Variants in WDR1 observed in about 807,000 individuals in gnomAD.
The protein encoded by WDR1 is WD repeat domain 1.
Under a neutral mutation model 71.9 loss-of-function variants are expected in WDR1, and 21 were observed. That is an observed-to-expected ratio of 0.29 (90% confidence interval 0.21 to 0.42). The LOEUF is 0.42. Ranked by LOEUF, WDR1 falls within the 10% of genes least tolerant of loss-of-function variation. The probability of loss-of-function intolerance (pLI) is 1.00; values close to 1 mark genes in which losing one functional copy is unlikely to be tolerated. For synonymous variants in WDR1, 424 were observed against 347.4 expected (o/e 1.22, Z -2.45); for missense variants, 696 against 824.5 (o/e 0.84, Z 1.91).
rs367695543 is a variant in WDR1, at chr4:10,088,367, T to G, written c.643A>C (p.Ile215Leu). The G allele has an allele frequency of 2.6e-6, 4 of 1,556,638 alleles. No homozygotes were observed. Among genetic ancestry groups the G allele is most frequent in the African/African-American group, 2.7e-5 (2 of 73,232 alleles). Residue 215 changes from isoleucine (I) to leucine (L), a missense_variant, in exon 7 of 15, where the codon ATC (isoleucine) becomes CTC (leucine). Physicochemically the swap from Ile to Leu is conservative, Grantham distance 5. Transcript: ENST00000499869. The part of the protein sequence containing the change: ...ATASADGQIY[I>L]YDGKTGEKVC... ...TTCTCCCCAGTCTTCCCGTCATAGA[T>G]GTATATCTTCCAAGAAATAAAAACA...
In WDR1 at chr4:10,116,756, G is replaced by C. The variant is rs1311218850; in HGVS notation, c.-90C>G. 37 of 1,238,368 alleles carry C rather than the reference G, an allele frequency of 3.0e-5. 1 individual carries two copies. The East Asian group carries it at 1.2e-3, about 41-fold the overall frequency. 76.7% of individuals were successfully genotyped at this position (1,238,368 alleles called of 1,614,324 possible). On this transcript the variant is annotated 5_prime_UTR_variant, in exon 1 of 15. Transcript: ENST00000499869. ...TACACCTCGCCGAGGCCGAGCCCGG[G>C]GACTGGAGCCGGAAGGCGGCACCGG...
At chr4:10,100,001 T>C (rs547787219) in intron 3 of WDR1, among the ~76,000 whole-genome samples, 109 of 152,218 alleles carry the variant, frequency 7.2e-4, no homozygotes, top group Non-Finnish European at 1.4e-3. Context: ...CGACACACCC[T>C]CTCCAAATGA....
chr4:10,100,815 C>G (rs367855260), intron 3 of WDR1, among the ~76,000 whole-genome samples: 8 of 152,190 alleles, frequency 5.3e-5, no homozygotes, highest in African/African-American at 1.9e-4. Context: ...CTGGCAGCAT[C>G]GGAGGGGAGC....
At position 10,077,467 on chromosome 4, in the gene WDR1, CAA is replaced by C. The variant is rs777338092; in HGVS notation, c.1570-21_1570-20del. On this transcript the variant is annotated intron_variant, in intron 13 of 14. Coordinates refer to ENST00000499869, the MANE Select transcript of WDR1 (RefSeq NM_017491.5). The stretch of plus-strand genomic sequence containing the variant: ...TGTTCTCCTAGTTGCAGGTTGAAAA[CAA>C]GAGAGGTGGCAGGTCAGGTTCAGGC... 1.3e-5 allele frequency: 21 copies of C among 1,613,722 alleles called. No individual in the cohort carries two copies. The highest frequency in any genetic ancestry group is 2.2e-5 in the East Asian group (1 of 44,902).
intron 14 of WDR1, chr4:10,076,994 A>T: frequency 2.8e-6 from 1 of 354,620 alleles, no homozygotes; most frequent in Non-Finnish European, 5.2e-6. Context: ...TGGCTGTCTT[A>T]GGGAGGGGGA....
At chr4:10,089,139 G>T (rs12500653) in intron 5 of WDR1, among the ~76,000 whole-genome samples, 3 of 152,072 alleles carry the variant, frequency 2.0e-5, no homozygotes, top group African/African-American at 4.8e-5. Flanking sequence ...AGCCCTGTCT[G>T]GCTCTGTTGC....
At position 10,081,669 on chromosome 4, in the gene WDR1, G is replaced by GC. The variant is rs1224523581; in HGVS notation, c.1197-226_1197-225insG. On this transcript the variant is annotated intron_variant, in intron 10 of 14. Transcript: ENST00000499869. ...ATGGGGGCCCGGGGAGGGGTGGGGG[G>GC]GGGGGAAGGAGGGGCGGGAGGCGGT... Among the ~76,000 whole-genome samples the GC allele has an allele frequency of 8.1e-5, 11 of 135,548 alleles. No homozygotes were observed. In the East Asian group the frequency reaches 2.3e-3, roughly 29 times the overall value. 88.9% of individuals were successfully genotyped at this position (135,548 alleles called of 152,430 possible).
chr4:10,109,116 T>C (rs1713197971), intron 2 of WDR1, among the ~76,000 whole-genome samples: 1 of 152,234 alleles, frequency 6.6e-6, no homozygotes, highest in African/African-American at 2.4e-5. Context: ...TGGATTCTCT[T>C]TGAAACCTCA....
intron 2 of WDR1, among the ~76,000 whole-genome samples, chr4:10,109,691 G>C (rs963910901): frequency 1.5e-4 from 23 of 152,196 alleles, no homozygotes; most frequent in African/African-American, 5.5e-4. Context: ...CACCACCTCC[G>C]TTTTCAGTCT....
chr4:10,103,675 C>T (rs1442677213), intron 3 of WDR1, among the ~76,000 whole-genome samples: 1 of 152,138 alleles, frequency 6.6e-6, no homozygotes, highest in African/African-American at 2.4e-5. Context: ...CACATGCAGC[C>T]CATGGGCCAC....
At chr4:10,100,024 C>T (rs1174173159) in intron 3 of WDR1, among the ~76,000 whole-genome samples, 4 of 152,322 alleles carry the variant, frequency 2.6e-5, no homozygotes, top group South Asian at 4.1e-4. Context: ...ACTGTGTTGG[C>T]GTGAAGAAAT....
chr4:10,087,046 T>A (rs1197508134), intron 8 of WDR1, among the ~76,000 whole-genome samples: 1 of 152,204 alleles, frequency 6.6e-6, no homozygotes, highest in Non-Finnish European at 1.5e-5. Context: ...AGGGAGCCTT[T>A]GGCTCAAGTG....
intron 2 of WDR1, among the ~76,000 whole-genome samples, chr4:10,111,934 T>C (rs988212626): frequency 2.0e-5 from 3 of 152,138 alleles, no homozygotes; most frequent in Non-Finnish European, 4.4e-5. Context: ...TTTCCAAATG[T>C]GTATTTTAGT....
intron 5 of WDR1, among the ~76,000 whole-genome samples, chr4:10,097,114 G>T (rs982181654): frequency 6.6e-6 from 1 of 152,282 alleles, no homozygotes; most frequent in Non-Finnish European, 1.5e-5. Flanking sequence ...TCTTGCAGAA[G>T]GGAGAAGTGA....
chr4:10,097,002 A>G (rs542955258), intron 5 of WDR1, among the ~76,000 whole-genome samples: 1 of 152,342 alleles, frequency 6.6e-6, no homozygotes, highest in East Asian at 1.9e-4. Flanking sequence ...AAGCTGGGGC[A>G]GGAAAATGGG....
rs778994504 is a variant in WDR1, at chr4:10,078,853, C to T, written c.1395+38G>A. The T allele has an allele frequency of 2.6e-6, 4 of 1,565,774 alleles. No homozygotes were observed. In the South Asian group the frequency reaches 4.5e-5, roughly 18 times the overall value. On this transcript the variant is annotated intron_variant, in intron 12 of 14. Transcript: ENST00000499869. ...CACTGTCCCCAAATCACCCAGATAC[C>T]AAGGACAGAGAGCACGGGGGAGAGG...
intron 9 of WDR1, among the ~76,000 whole-genome samples, chr4:10,084,072 C>A (rs1045163162): frequency 2.0e-5 from 3 of 152,188 alleles, no homozygotes; most frequent in Admixed American, 6.5e-5. Flanking sequence ...TTCTAGGAAT[C>A]AAGAAACCCA....
intron 8 of WDR1, among the ~76,000 whole-genome samples, chr4:10,086,250 C>A (rs1282547104): frequency 6.6e-6 from 1 of 152,218 alleles, no homozygotes; most frequent in African/African-American, 2.4e-5. Flanking sequence ...CGGCCCCATG[C>A]TGTGCGTGCC....
At chr4:10,079,724 C>A (rs1445226700) in intron 11 of WDR1, among the ~76,000 whole-genome samples, 1 of 152,212 alleles carries the variant, frequency 6.6e-6, no homozygotes, top group African/African-American at 2.4e-5. Flanking sequence ...GGGAAGGCAG[C>A]CTCTGCCCCT....
Sources: gnomAD v4.1 joint callset for allele counts (sites outside exome capture counted in the v4.1 genomes callset) on GRCh38, gnomAD v4.1.1 for gene constraint, MANE v1.5 for transcripts, NCBI Gene and HGNC (gene_info 2026-07-23, HGNC 2026-07-21) for gene names.